Variants in SWI5 observed in about 807,000 individuals in gnomAD.
SWI5 encodes the protein DNA repair protein SWI5 homolog.
Under a neutral mutation model 17.0 loss-of-function variants are expected in SWI5, and 12 were observed. The ratio of observed to expected loss-of-function variants is 0.71; its 90% CI spans 0.45 to 1.14. The LOEUF (loss-of-function observed/expected upper bound fraction) is 1.14, where lower values mean the gene tolerates loss of function less well. SWI5 is among the 50% of genes most tolerant of loss of function. SWI5 has a pLI of 0.00. For missense variants in SWI5, 158 were observed against 162.2 expected (o/e 0.97, Z 0.14); for synonymous variants, 61 against 64.0 (o/e 0.95, Z 0.22).
chr9:128,287,463 AAAAG>A (rs918039545), intron 4 of SWI5, among the ~76,000 whole-genome samples: 6 of 151,370 alleles, frequency 4.0e-5, no homozygotes, highest in Non-Finnish European at 8.8e-5. Context: ...AAAAAAAAAA[AAAAG>A]AAAGAAAAAG....
intron 2 of SWI5, among the ~76,000 whole-genome samples, chr9:128,279,415 G>A (rs1831497019): frequency 6.6e-6 from 1 of 152,116 alleles, no homozygotes; most frequent in Admixed American, 6.5e-5. Flanking sequence ...TACAAAACAA[G>A]GGGGGCAGGG....
upstream of SWI5, among the ~76,000 whole-genome samples, chr9:128,275,732 G>T (rs1032111098): frequency 6.6e-6 from 1 of 152,118 alleles, no homozygotes; most frequent in African/African-American, 2.4e-5. Flanking sequence ...GGGCGGCTGA[G>T]GGGGCGGGGC....
chr9:128,288,731 C>T lies in SWI5; in HGVS notation c.*15C>T, dbSNP rs777075127. ...TGAATGACTGAGCAGGCTCATCGCCCCTTGTCCACAGCTCCCAGGGACAGA... is the reference window on the plus strand; with the variant it reads ...TGAATGACTGAGCAGGCTCATCGCCTCTTGTCCACAGCTCCCAGGGACAGA... On this transcript the variant is annotated 3_prime_UTR_variant, in exon 5 of 5. Transcript: ENST00000418976. The T allele has an allele frequency of 1.4e-5, 23 of 1,613,900 alleles. No individual in the cohort carries two copies. In the Middle Eastern group the frequency reaches 6.6e-4, roughly 46 times the overall value.
chr9:128,280,551 C>T (rs1374439901), intron 2 of SWI5, among the ~76,000 whole-genome samples: 3 of 151,860 alleles, frequency 2.0e-5, no homozygotes, highest in Non-Finnish European at 4.4e-5. Flanking sequence ...GCTCTGCCAC[C>T]CAGGCTGGAG....
At chr9:128,276,529 GC>G in intron 1 of SWI5, 127 bp downstream of exon 1, 1 of 1,566,926 alleles carries the variant, frequency 6.4e-7, no homozygotes, top group Non-Finnish European at 8.7e-7. Context: ...GTCTCAGAAC[GC>G]CCCCTTCCTA....
rs750237026 is a variant in SWI5, at chr9:128,288,680, G to A, written c.357G>A (p.Glu119=). Residue 119 remains glutamate, a synonymous_variant, in exon 5 of 5, where the codon GAG becomes GAA. Coordinates refer to ENST00000418976, the Ensembl canonical transcript of SWI5. Reference sequence around the variant, plus strand: ...TGATCCGAGGTGTCACCACCAAAGAGTTGTATCCAGAGTTTGGGCTGGACA... The same window carrying A: ...TGATCCGAGGTGTCACCACCAAAGAATTGTATCCAGAGTTTGGGCTGGACA... The A allele has an allele frequency of 1.6e-5, 26 of 1,614,038 alleles. No individual in the cohort carries two copies. The African/African-American group carries it at 2.7e-4, about 17-fold the overall frequency.
chr9:128,275,608 G>C (rs372823801), upstream of SWI5: 34 of 856,924 alleles, frequency 4.0e-5, no homozygotes, highest in South Asian at 7.8e-4. Context: ...CCAGCCCAAA[G>C]AGCCCAGGGA....
chr9:128,276,089 CTCAAAGAT>C, upstream of SWI5: 2 of 1,570,468 alleles, frequency 1.3e-6, no homozygotes, highest in Non-Finnish European at 1.7e-6. Context: ...GGGGCGTGGC[CTCAAAGAT>C]CAAAGCCCAT....
chr9:128,280,889 C>T (rs918135444), intron 2 of SWI5, among the ~76,000 whole-genome samples: 2 of 152,146 alleles, frequency 1.3e-5, no homozygotes, highest in Admixed American at 6.6e-5. Flanking sequence ...TTCATTCCCC[C>T]GAACACATGT....
intron 3 of SWI5, 112 bp downstream of exon 3, chr9:128,284,743 G>A: frequency 7.5e-7 from 1 of 1,333,748 alleles, no homozygotes. Context: ...ATCACTTGAG[G>A]TCAGGAGTTT....
At chr9:128,276,081 G>A (rs1831346898), upstream of SWI5, 3 of 1,572,838 alleles carry the variant, frequency 1.9e-6, no homozygotes, top group African/African-American at 2.8e-5. Context: ...GCAGAATGGG[G>A]GCGTGGCCTC....
upstream of SWI5, chr9:128,276,180 A>G (rs1385317648): frequency 8.2e-6 from 13 of 1,580,542 alleles, no homozygotes; most frequent in African/African-American, 1.5e-4. Flanking sequence ...CTGTGGCGTC[A>G]CAACAAAAGC....
intron 2 of SWI5, among the ~76,000 whole-genome samples, chr9:128,283,748 C>G (rs981057731): frequency 1.3e-5 from 2 of 152,226 alleles, no homozygotes; most frequent in Non-Finnish European, 2.9e-5. Flanking sequence ...GATAGCTGCT[C>G]AGCTCCAGCA....
At chr9:128,275,510 C>T, upstream of SWI5, 1 of 1,309,090 alleles carries the variant, frequency 7.6e-7, no homozygotes, top group Non-Finnish European at 9.8e-7. Context: ...AGGGTCGAGT[C>T]TGGAGCGGGG....
chr9:128,288,599 A>ACTCCCTCCCACCT, intron 4 of SWI5, 53 bp from the exon 5 acceptor site: 1 of 1,598,180 alleles, frequency 6.3e-7, no homozygotes, highest in Non-Finnish European at 8.6e-7. Flanking sequence ...CATTGGCTGT[A>ACTCCCTCCCACCT]CTCCCTCCCA....
At chr9:128,278,922 G>A (rs961606754) in intron 2 of SWI5, among the ~76,000 whole-genome samples, 2 of 151,538 alleles carry the variant, frequency 1.3e-5, no homozygotes, top group Non-Finnish European at 2.9e-5. Context: ...ACAGGTGCCC[G>A]CCACCATGCC....
At position 128,276,296 on chromosome 9, in the gene SWI5, G is replaced by C. The variant is rs115231472; in HGVS notation, c.-45G>C. ...GCGCCAGTTCACACTCCGGGTCAGA[G>C]TTCCTGGCCCGGTGCACCTGAGAGG... is the stretch of plus-strand genomic sequence containing the variant. On this transcript the variant is annotated 5_prime_UTR_variant, in exon 1 of 5. Transcript: ENST00000418976. 3.8e-3 allele frequency: 6,079 copies of C among 1,612,884 alleles called. 177 individuals carry two copies. The African/African-American group carries it at 0.071, about 19-fold the overall frequency.
At chr9:128,283,194 C>T (rs1011347260) in intron 2 of SWI5, among the ~76,000 whole-genome samples, 13 of 151,926 alleles carry the variant, frequency 8.6e-5, no homozygotes, top group Non-Finnish European at 1.5e-4. Context: ...TGGTGGTGGG[C>T]GCCTGTAATC....
rs1831615421 is a variant in SWI5, at chr9:128,285,163, A to G, written c.233+532A>G. ...GCCTGGCTACAGAGCGAGACTTGGTAAAGAAAGAGAAAGAGGGCGAGAGGG... is the reference window on the plus strand; with the variant it reads ...GCCTGGCTACAGAGCGAGACTTGGTGAAGAAAGAGAAAGAGGGCGAGAGGG... On this transcript the variant is annotated intron_variant, in intron 3 of 4. Transcript: ENST00000418976. The surrounding 1 kb of genome is among the most constrained non-coding windows in gnomAD (Gnocchi z 4.8). Among the ~76,000 whole-genome samples the G allele has an allele frequency of 6.6e-6, 1 of 151,628 alleles. No homozygotes were observed.
Sources: gnomAD v4.1 joint callset for allele counts (sites outside exome capture counted in the v4.1 genomes callset) on GRCh38, gnomAD v4.1.1 for gene constraint, Gnocchi (gnomAD v3.1) non-coding constraint, MANE v1.5 for transcripts, NCBI Gene and HGNC (gene_info 2026-07-23, HGNC 2026-07-21) for gene names.